The following SPAG16 variants were observed in gnomAD, a reference collection of about 807,000 sequenced individuals.
SPAG16 encodes the protein sperm associated antigen 16, also known as sperm-associated antigen 16 protein.
SPAG16 carries 86 observed loss-of-function variants against 80.4 expected under a neutral mutation model. The ratio of observed to expected loss-of-function variants is 1.07; its 90% CI spans 0.90 to 1.28. The LOEUF (loss-of-function observed/expected upper bound fraction) is 1.28, where lower values mean the gene tolerates loss of function less well. Ranked by LOEUF, SPAG16 falls within the 50% of genes most tolerant of loss-of-function variation. SPAG16 has a pLI of 0.00. For synonymous variants in SPAG16, 294 were observed against 265.9 expected, an observed-to-expected ratio of 1.11 and a Z score of -1.03; for missense variants, 870 against 765.3, an observed-to-expected ratio of 1.14 and a Z score of -1.61.
At chr2:213,975,542 T>C (rs1308916860) in intron 12 of SPAG16, among the ~76,000 whole-genome samples, 1 of 151,784 alleles carries the variant, frequency 6.6e-6, no homozygotes, top group Admixed American at 6.6e-5. Flanking sequence ...AGTTCTCAAA[T>C]AAATACCCTA....
chr2:213,672,989 T>A (rs1239323050), intron 10 of SPAG16, among the ~76,000 whole-genome samples: 1 of 151,744 alleles, frequency 6.6e-6, no homozygotes, highest in Non-Finnish European at 1.5e-5. Context: ...AATGATCAGG[T>A]CTTTAACTTG....
chr2:213,825,386 G>T lies in SPAG16; in HGVS notation c.1071-37099G>T, dbSNP rs541760425. On this transcript the variant is annotated intron_variant, in intron 10 of 15. Transcript: ENST00000331683. ...CTGTTGTATATGGCTTTAATATGTT[G>T]AGGTATGTTCCTTCTATTCCCAGTT... Among the ~76,000 whole-genome samples, 13 of 152,112 alleles carry T rather than the reference G, an allele frequency of 8.5e-5. No individual in the cohort carries two copies. In the East Asian group the frequency reaches 2.5e-3, roughly 29 times the overall value.
At chr2:214,229,577 A>T (rs1011415982) in intron 15 of SPAG16, among the ~76,000 whole-genome samples, 1 of 151,800 alleles carries the variant, frequency 6.6e-6, no homozygotes, top group Non-Finnish European at 1.5e-5. Flanking sequence ...TTTTCTTATT[A>T]GAATGCAATA....
At position 213,468,562 on chromosome 2, in the gene SPAG16, G is replaced by GAT. The variant is rs1321930830; in HGVS notation, c.943-21392_943-21391dup. Among the ~76,000 whole-genome samples, 11 of 117,844 alleles carry GAT rather than the reference G, an allele frequency of 9.3e-5. No homozygotes were observed. In the South Asian group the frequency reaches 2.3e-3, roughly 24 times the overall value. 77.3% of individuals were successfully genotyped at this position (117,844 alleles called of 152,430 possible). ...ATATATATATGTATTTATATATAGAGATATATATATCTATGTATTTATATA... is the reference window on the plus strand; with the variant it reads ...ATATATATATGTATTTATATATAGAGATATATATATATCTATGTATTTATATA... On this transcript the variant is annotated intron_variant, in intron 9 of 15. Transcript: ENST00000331683.
At chr2:214,017,595 C>CATACAGCT (rs2047656414) in intron 13 of SPAG16, among the ~76,000 whole-genome samples, 1 of 152,142 alleles carries the variant, frequency 6.6e-6, no homozygotes, top group Non-Finnish European at 1.5e-5. Flanking sequence ...GCCTTGAATG[C>CATACAGCT]ATACAGCTGT....
At chr2:213,366,533 G>A (rs1224672316) in intron 8 of SPAG16, among the ~76,000 whole-genome samples, 1 of 152,226 alleles carries the variant, frequency 6.6e-6, no homozygotes, top group Admixed American at 6.5e-5. Flanking sequence ...GCAGGCAAGA[G>A]AGAGTTTGCA....
intron 15 of SPAG16, among the ~76,000 whole-genome samples, chr2:214,267,177 G>A (rs1007698017): frequency 1.3e-5 from 2 of 151,340 alleles, no homozygotes; most frequent in Non-Finnish European, 3.0e-5. Flanking sequence ...TTTAAAAAAA[G>A]ATTAAAAAGA....
intron 9 of SPAG16, among the ~76,000 whole-genome samples, chr2:213,428,337 A>G (rs2070075283): frequency 6.6e-6 from 1 of 152,168 alleles, no homozygotes; most frequent in Non-Finnish European, 1.5e-5. Context: ...CCCTGAATCT[A>G]AATTGGAGAG....
intron 10 of SPAG16, among the ~76,000 whole-genome samples, chr2:213,811,633 G>A (rs979769268): frequency 6.6e-6 from 1 of 152,138 alleles, no homozygotes; most frequent in African/African-American, 2.4e-5. Flanking sequence ...ACAGAGACTA[G>A]CCAGAAAGAG....
chr2:213,337,193 G>A (rs2064409263), intron 5 of SPAG16, among the ~76,000 whole-genome samples: 1 of 152,082 alleles, frequency 6.6e-6, no homozygotes, highest in Admixed American at 6.6e-5. Context: ...CAATGAAAAG[G>A]ACCCCACAAA....
intron 9 of SPAG16, among the ~76,000 whole-genome samples, chr2:213,433,380 A>T (rs1045428176): frequency 2.0e-4 from 30 of 152,264 alleles, no homozygotes; most frequent in African/African-American, 7.2e-4. Flanking sequence ...AACTCTTAGA[A>T]TTGATAAATG....
chr2:213,419,244 C>T (rs1164710864), intron 9 of SPAG16, among the ~76,000 whole-genome samples: 2 of 152,088 alleles, frequency 1.3e-5, no homozygotes, highest in Non-Finnish European at 2.9e-5. Context: ...GTCTATGGTT[C>T]CCCCTTGTAT....
chr2:214,281,201 C>T (rs114982108), intron 15 of SPAG16: 4,019 of 328,118 alleles, frequency 0.012, 67 homozygotes, highest in East Asian at 0.062. Flanking sequence ...CCAACCTTCA[C>T]GCCATATTTT....
At chr2:214,029,987 AC>A (rs2048329564) in intron 13 of SPAG16, among the ~76,000 whole-genome samples, 1 of 152,140 alleles carries the variant, frequency 6.6e-6, no homozygotes, top group Admixed American at 6.6e-5. Context: ...AGTGGTAAGA[AC>A]AATCAACATG....
chr2:213,772,763 G>A (rs1434847592), intron 10 of SPAG16, among the ~76,000 whole-genome samples: 3 of 152,116 alleles, frequency 2.0e-5, no homozygotes, highest in Admixed American at 2.0e-4. Flanking sequence ...AAAAGCCTAT[G>A]CATTTTGGTT....
At chr2:213,985,865 A>G (rs1032494484) in intron 12 of SPAG16, among the ~76,000 whole-genome samples, 11 of 152,082 alleles carry the variant, frequency 7.2e-5, no homozygotes, top group Admixed American at 2.6e-4. Context: ...GAAAGAGCAG[A>G]GTTATGCAAG....
chr2:213,778,003 A>G (rs1392304457), intron 10 of SPAG16, among the ~76,000 whole-genome samples: 2 of 152,152 alleles, frequency 1.3e-5, no homozygotes, highest in Admixed American at 1.3e-4. Context: ...ATTATAATAA[A>G]TTTCTTAGGA....
intron 15 of SPAG16, among the ~76,000 whole-genome samples, chr2:214,349,487 T>C (rs1437204866): frequency 2.6e-5 from 4 of 152,218 alleles, no homozygotes; most frequent in Non-Finnish European, 2.9e-5. Context: ...CATTCTCCTA[T>C]TGATGGACAC....
At chr2:213,516,409 A>T (rs1442753589) in intron 10 of SPAG16, among the ~76,000 whole-genome samples, 1 of 152,194 alleles carries the variant, frequency 6.6e-6, no homozygotes, top group African/African-American at 2.4e-5. Context: ...TTTTCTTAAA[A>T]AAATGAACTT....
Sources: allele counts gnomAD v4.1 joint callset (sites outside exome capture counted in the v4.1 genomes callset), GRCh38; gene constraint gnomAD v4.1.1; transcripts MANE v1.5; gene names NCBI Gene and HGNC (gene_info 2026-07-23, HGNC 2026-07-21).